PTH2R: variants seen among roughly 807,000 people sequenced by gnomAD.
PTH2R encodes parathyroid hormone 2 receptor.
In PTH2R, 59 loss-of-function variants were observed where a neutral mutation model predicts 60.3. The ratio of observed to expected loss-of-function variants is 0.98; its 90% CI spans 0.79 to 1.22. PTH2R has a LOEUF of 1.22. PTH2R is among the 50% of genes most tolerant of loss of function. PTH2R has a pLI of 0.00. For synonymous variants in PTH2R, 256 were observed against 243.8 expected (o/e 1.05, Z -0.47); for missense variants, 749 against 682.6 (o/e 1.10, Z -1.08).
intron 6 of PTH2R, among the ~76,000 whole-genome samples, chr2:208,444,208 G>GAGT (rs1417595327): frequency 1.3e-5 from 2 of 152,116 alleles, no homozygotes; most frequent in Non-Finnish European, 2.9e-5. Context: ...TAGCAGTTGA[G>GAGT]AGTAGACCTC....
intron 4 of PTH2R, among the ~76,000 whole-genome samples, chr2:208,441,035 A>C (rs775941161): frequency 2.0e-5 from 3 of 152,160 alleles, no homozygotes; most frequent in Non-Finnish European, 2.9e-5. Context: ...AGGGAAGCTG[A>C]GACAAATCCC....
chr2:208,484,815 C>T (rs896004993), intron 10 of PTH2R, among the ~76,000 whole-genome samples: 1 of 152,174 alleles, frequency 6.6e-6, no homozygotes, highest in Non-Finnish European at 1.5e-5. Context: ...TGGATACTTT[C>T]TCTCTGTGAG....
chr2:208,472,036 A>C (rs1259698), intron 9 of PTH2R, among the ~76,000 whole-genome samples: 122,102 of 152,150 alleles, frequency 0.8, 49,421 homozygotes, highest in African/African-American at 0.87. Flanking sequence ...TGGCCAATTT[A>C]TCCCATTTGG....
intron 7 of PTH2R, among the ~76,000 whole-genome samples, chr2:208,449,468 T>TAGAC (rs1267701882): frequency 6.6e-6 from 1 of 151,420 alleles, no homozygotes; most frequent in Non-Finnish European, 1.5e-5. Flanking sequence ...GATAGATAGA[T>TAGAC]AGATAGATAG....
At chr2:208,468,885 T>G (rs1225426418) in intron 9 of PTH2R, among the ~76,000 whole-genome samples, 1 of 152,136 alleles carries the variant, frequency 6.6e-6, no homozygotes, top group Admixed American at 6.5e-5. Flanking sequence ...TGGCACAGAA[T>G]GACCACTCAA....
At chr2:208,377,821 CG>C (rs1206577368) in intron 1 of PTH2R, among the ~76,000 whole-genome samples, 1 of 151,308 alleles carries the variant, frequency 6.6e-6, no homozygotes, top group African/African-American at 2.4e-5. Flanking sequence ...GATGGGCGGC[CG>C]GGCAGAGACG....
Position 208,493,414 on chromosome 2 carries a change from C to A in PTH2R, c.1408C>A (p.Arg470Ser). 1 of 1,610,782 alleles carries A rather than the reference C, an allele frequency of 6.2e-7. No homozygotes were observed. The highest frequency in any genetic ancestry group is 1.1e-5 in the South Asian group (1 of 90,578). ...SSQSQVAAST[R>S]MVLISGKAAK... ...CCAGTCACAGGTGGCGGCCAGCACA[C>A]GCATGGTGCTTATCTCTGGCAAAGC... Residue 470 changes from arginine (R) to serine (S), a missense_variant, in exon 13 of 13, where the codon CGC becomes AGC. Coordinates refer to ENST00000272847, the MANE Select transcript of PTH2R (RefSeq NM_005048.4).
chr2:208,390,184 G>A (rs1233284413), intron 1 of PTH2R, among the ~76,000 whole-genome samples: 1 of 152,102 alleles, frequency 6.6e-6, no homozygotes, highest in East Asian at 1.9e-4. Flanking sequence ...TCCCAAGTGT[G>A]GTCCTTTCCC....
rs144471006 is a variant in PTH2R, at chr2:208,465,646, G to A, written c.981+5685G>A. Among the ~76,000 whole-genome samples, 240 of 151,766 alleles carry A rather than the reference G, an allele frequency of 1.6e-3. 1 individual carries two copies. Among genetic ancestry groups the A allele is most frequent in the African/African-American group, 5.6e-3 (230 of 41,400 alleles). ...CTCAAACTCCCGACCTCAGTGATCC[G>A]CCCGCCTCGGCCTCCCAAAGTGCTG... On this transcript the variant is annotated intron_variant, in intron 9 of 12. Coordinates refer to ENST00000272847, the MANE Select transcript of PTH2R (RefSeq NM_005048.4).
chr2:208,400,776 T>C (rs896323911), intron 1 of PTH2R, among the ~76,000 whole-genome samples: 2 of 152,240 alleles, frequency 1.3e-5, no homozygotes, highest in Non-Finnish European at 2.9e-5. Context: ...AAAGCATATG[T>C]ATATTTTATT....
At chr2:208,492,977 C>G (rs949191912) in intron 12 of PTH2R, among the ~76,000 whole-genome samples, 1 of 152,060 alleles carries the variant, frequency 6.6e-6, no homozygotes, top group African/African-American at 2.4e-5. Flanking sequence ...TTTCCTCTCC[C>G]ATATGTCAGG....
chr2:208,483,872 C>A (rs933954559), intron 10 of PTH2R, among the ~76,000 whole-genome samples: 3 of 152,054 alleles, frequency 2.0e-5, no homozygotes, highest in African/African-American at 7.2e-5. Flanking sequence ...TACTTGACAC[C>A]AATTTGAGAA....
intron 9 of PTH2R, among the ~76,000 whole-genome samples, chr2:208,471,320 C>A (rs1221524926): frequency 6.6e-6 from 1 of 152,216 alleles, no homozygotes; most frequent in African/African-American, 2.4e-5. Flanking sequence ...TTCACAGCAA[C>A]CCCTTCCATC....
At chr2:208,400,234 T>C (rs1701283040) in intron 1 of PTH2R, among the ~76,000 whole-genome samples, 1 of 152,220 alleles carries the variant, frequency 6.6e-6, no homozygotes, top group Admixed American at 6.5e-5. Flanking sequence ...AAATAAAATA[T>C]GAATTCTAAA....
At chr2:208,389,829 T>C (rs570612975) in intron 1 of PTH2R, among the ~76,000 whole-genome samples, 1 of 152,312 alleles carries the variant, frequency 6.6e-6, no homozygotes, top group Admixed American at 6.5e-5. Flanking sequence ...GTTGTTTGTT[T>C]TCTAAACTAC....
At chr2:208,453,908 A>G (rs1702458307) in intron 8 of PTH2R, among the ~76,000 whole-genome samples, 2 of 152,224 alleles carry the variant, frequency 1.3e-5, no homozygotes, top group Admixed American at 6.5e-5. Context: ...TGCGTAAAGA[A>G]ACAGTAACTT....
At chr2:208,480,685 T>C (rs1703126714) in intron 9 of PTH2R, among the ~76,000 whole-genome samples, 1 of 152,230 alleles carries the variant, frequency 6.6e-6, no homozygotes, top group Non-Finnish European at 1.5e-5. Flanking sequence ...AATAGCTCTA[T>C]TATTCCTCTC....
intron 1 of PTH2R, among the ~76,000 whole-genome samples, chr2:208,365,954 ATATATATTTTTTTTTTTTTTTTTT>A (rs1464182350): frequency 3.7e-4 from 7 of 19,070 alleles, no homozygotes; most frequent in Non-Finnish European, 4.5e-4. Flanking sequence ...ATATATATAT[ATATATATTTTTTTTTTTTTTTTTT>A]TTTTTTTTTT....
chr2:208,384,657 A>T (rs2125878465), intron 1 of PTH2R, among the ~76,000 whole-genome samples: 1 of 152,358 alleles, frequency 6.6e-6, no homozygotes, highest in South Asian at 2.1e-4. Flanking sequence ...ATTTAAATGA[A>T]AAAGGCACAT....
Sources: gnomAD v4.1 joint callset for allele counts (sites outside exome capture counted in the v4.1 genomes callset) on GRCh38, gnomAD v4.1.1 for gene constraint, MANE v1.5 for transcripts, NCBI Gene and HGNC (gene_info 2026-07-23, HGNC 2026-07-21) for gene names.